ZNF446: variants seen among roughly 807,000 people sequenced by gnomAD.
The protein encoded by ZNF446 is zinc finger protein 446.
Under a neutral mutation model 34.0 loss-of-function variants are expected in ZNF446, and 42 were observed. The observed-to-expected ratio is 1.23, with a 90% CI of 0.96 to 1.60. The LOEUF (loss-of-function observed/expected upper bound fraction) is 1.60, where lower values mean the gene tolerates loss of function less well. Ranked by LOEUF, ZNF446 falls within the 40% of genes most tolerant of loss-of-function variation. The pLI, the probability that ZNF446 is intolerant of heterozygous loss-of-function variation, is 0.00. For missense variants in ZNF446, 650 were observed against 600.2 expected, an observed-to-expected ratio of 1.08 and a Z score of -0.87; for synonymous variants, 315 against 251.0, an observed-to-expected ratio of 1.25 and a Z score of -2.41.
chr19:58,488,914 C>T, the ZNF446 span, among the ~76,000 whole-genome samples: 1 of 150,544 alleles, frequency 6.6e-6, no homozygotes, highest in Non-Finnish European at 1.5e-5. Context: ...AAATGAATAC[C>T]AGGACCTGTG....
chr19:58,484,649 T>C (rs918101370), downstream of ZNF446, among the ~76,000 whole-genome samples: 1 of 151,990 alleles, frequency 6.6e-6, no homozygotes, highest in African/African-American at 2.4e-5. Flanking sequence ...CTGGGCAACA[T>C]AGCAAGACCA....
rs2053130614 is a variant in ZNF446, at chr19:58,480,535, T to C, written c.1162T>C (p.Ser388Pro). The change falls in exon 7 of 7, where the codon TCA becomes CCA. Residue 388 changes from serine (S) to proline (P), a missense_variant. Ser to Pro is a moderately conservative substitution (Grantham distance 74). Transcript: ENST00000594369. This position sits in a 1 kb window ranked among gnomAD's most constrained non-coding sequence, Gnocchi z 7.2. ...GGCCTTTCCGCACCACCCCCGACGC[T>C]CACTCACAGGCCCCCGGAGTTACCC... ...EVAFPHHPRRSLTGPRSYPCE... is the reference protein window; with the variant it reads ...EVAFPHHPRRPLTGPRSYPCE... 1.2e-6 allele frequency: 2 copies of C among 1,612,408 alleles called. No homozygotes were observed. The highest frequency in any genetic ancestry group is 1.7e-6 in the Non-Finnish European group (2 of 1,179,554).
At position 58,480,279 on chromosome 19, in the gene ZNF446, C is replaced by G; in HGVS notation, c.906C>G (p.Pro302=). The G allele has an allele frequency of 6.3e-7, 1 of 1,578,216 alleles. No individual in the cohort carries two copies. Among genetic ancestry groups the G allele is most frequent in the South Asian group, 1.1e-5 (1 of 87,378 alleles). The part of the protein sequence containing the change: ...EGLSGAATPA[P]TVRPGTPPVP... ...TGTCTGGGGCTGCCACTCCTGCCCCCACTGTGCGCCCAGGGACACCGCCAG... is the reference window on the plus strand; with the variant it reads ...TGTCTGGGGCTGCCACTCCTGCCCCGACTGTGCGCCCAGGGACACCGCCAG... The change falls in exon 7 of 7, where the codon CCC becomes CCG. Residue 302 remains proline (P), a synonymous_variant. Transcript: ENST00000594369. This position sits in a 1 kb window ranked among gnomAD's most constrained non-coding sequence, Gnocchi z 7.2.
chr19:58,482,030 G>A (rs989879658), downstream of ZNF446, among the ~76,000 whole-genome samples: 12 of 152,210 alleles, frequency 7.9e-5, no homozygotes, highest in African/African-American at 2.6e-4. Flanking sequence ...TCCTGACCTC[G>A]TGATCCACCC....
the ZNF446 span, among the ~76,000 whole-genome samples, chr19:58,488,571 G>T: frequency 2.0e-4 from 29 of 147,052 alleles, no homozygotes; most frequent in Non-Finnish European, 3.1e-4. Context: ...AAAAAAAAAG[G>T]CTGGGTGCGG....
downstream of ZNF446, among the ~76,000 whole-genome samples, chr19:58,485,558 A>C (rs1289321463): frequency 6.6e-6 from 1 of 152,140 alleles, no homozygotes; most frequent in Non-Finnish European, 1.5e-5. Context: ...CAACTAGGTC[A>C]ATCTAGGAAC....
Position 58,480,414 on chromosome 19 carries a change from C to G in ZNF446, c.1041C>G (p.Phe347Leu), listed in dbSNP as rs61731809. 1.2e-6 allele frequency: 2 copies of G among 1,612,234 alleles called. No individual in the cohort carries two copies. Among genetic ancestry groups the G allele is most frequent in the African/African-American group, 1.3e-5 (1 of 74,670 alleles). ...GCGGCTTCGACTGGAAGTCAGTGTT[C>G]GTCATCCACCACCGGACACACACGA... The part of the protein sequence containing the change: ...CGRGFDWKSV[F>L]VIHHRTHTSG... Residue 347 changes from phenylalanine to leucine, a missense_variant, in exon 7 of 7, where the codon TTC (phenylalanine) becomes TTG (leucine). Phe to Leu is a conservative substitution (Grantham distance 22). Coordinates refer to ENST00000594369, the MANE Select transcript of ZNF446 (RefSeq NM_017908.4). The surrounding 1 kb of genome is among the most constrained non-coding windows in gnomAD (Gnocchi z 7.2).
chr19:58,481,887 G>A (rs77498029), downstream of ZNF446, among the ~76,000 whole-genome samples: 22,843 of 152,022 alleles, frequency 0.15, 1,903 homozygotes, highest in Non-Finnish European at 0.18. Context: ...TCTGCCTCCC[G>A]GGTTCACGCC....
At position 58,477,527 on chromosome 19, in the gene ZNF446, A is replaced by C; in HGVS notation, c.309A>C (p.Gly103=). The C allele has an allele frequency of 6.2e-7, 1 of 1,612,516 alleles. No individual in the cohort carries two copies. The highest frequency in any genetic ancestry group is 8.5e-7 in the Non-Finnish European group (1 of 1,179,210). ...SPEEAAALVE[G]LQHDPGQLLG... ...AGGAGGCCGCTGCCCTAGTCGAAGG[A>C]CTGCAGCATGACCCTGGGCAACTGT... is the stretch of plus-strand genomic sequence containing the variant. Residue 103 remains glycine (G), a synonymous_variant, in exon 2 of 7, where the codon GGA becomes GGC. Coordinates refer to ENST00000594369, the MANE Select transcript of ZNF446 (RefSeq NM_017908.4).
chr19:58,486,835 C>G, the ZNF446 span, among the ~76,000 whole-genome samples: 1 of 151,802 alleles, frequency 6.6e-6, no homozygotes, highest in Admixed American at 6.6e-5. Context: ...CGGAGTCTCA[C>G]TCTGTCGCCC....
At chr19:58,479,572 G>A (rs921114422) in intron 4 of ZNF446, 71 bp from the exon 5 acceptor site, 22 of 1,532,596 alleles carry the variant, frequency 1.4e-5, no homozygotes, top group East Asian at 4.6e-5. Context: ...CCGGGTAATA[G>A]GTAAGAATGT....
rs2053137638 is a variant in ZNF446, at chr19:58,481,191, T to C, written c.*465T>C. On this transcript the variant is annotated 3_prime_UTR_variant, in exon 7 of 7. Coordinates refer to ENST00000594369, the MANE Select transcript of ZNF446 (RefSeq NM_017908.4). ...TGGCTTCCGTTTCTCCTGCTCCCTG[T>C]GTGTGTTAGAATTTTAACATAAATT... The C allele has an allele frequency of 6.1e-6, 1 of 164,320 alleles. No homozygotes were observed. The highest frequency in any genetic ancestry group is 1.3e-5 in the Non-Finnish European group (1 of 75,686). 10.2% of individuals were successfully genotyped at this position (164,320 alleles called of 1,614,324 possible). A position where few individuals can be genotyped will look rare whatever the true frequency, so the allele number is the denominator to read the frequency against.
the ZNF446 span, among the ~76,000 whole-genome samples, chr19:58,488,552 TAAAA>T: frequency 1.0e-5 from 1 of 100,302 alleles, no homozygotes; most frequent in African/African-American, 3.1e-5. Context: ...ATGACTATGA[TAAAA>T]AAAAAAAAAA....
downstream of ZNF446, among the ~76,000 whole-genome samples, chr19:58,481,457 A>T (rs1350035648): frequency 6.6e-6 from 1 of 152,104 alleles, no homozygotes. Context: ...GGCTTGAGAG[A>T]CACAAAGGGG....
intron 4 of ZNF446, among the ~76,000 whole-genome samples, chr19:58,478,501 TA>T (rs914210461): frequency 1.3e-5 from 2 of 152,018 alleles, no homozygotes; most frequent in Admixed American, 6.6e-5. Context: ...CTGTATCTAC[TA>T]AAGATACAAA....
chr19:58,480,513 C>T lies in ZNF446; in HGVS notation c.1140C>T (p.Ala380=), dbSNP rs917638024. 2 of 1,612,638 alleles carry T rather than the reference C, an allele frequency of 1.2e-6. No individual in the cohort carries two copies. Among genetic ancestry groups the T allele is most frequent in the Non-Finnish European group, 1.7e-6 (2 of 1,179,662 alleles). Residue 380 remains alanine, a synonymous_variant, in exon 7 of 7, where the codon GCC becomes GCT. Transcript: ENST00000594369. This position sits in a 1 kb window ranked among gnomAD's most constrained non-coding sequence, Gnocchi z 7.2. The part of the protein sequence containing the change: ...STEKPPQGEV[A]FPHHPRRSLT... ...AGAAGCCACCACAAGGGGAGGTGGC[C>T]TTTCCGCACCACCCCCGACGCTCAC... is the stretch of plus-strand genomic sequence containing the variant.
rs778412998 is a variant in ZNF446 at position 58,477,768 on chromosome 19, G to C, written c.474G>C (p.Gly158=). 1.2e-6 allele frequency: 2 copies of C among 1,609,584 alleles called. No individual in the cohort carries two copies. Among genetic ancestry groups the C allele is most frequent in the Non-Finnish European group, 1.7e-6 (2 of 1,178,206 alleles). The change falls in exon 3 of 7, where the codon GGG becomes GGC. Residue 158 remains glycine, a synonymous_variant. Coordinates refer to ENST00000594369, the MANE Select transcript of ZNF446 (RefSeq NM_017908.4). ...GTCCCCAGGACACCAGAATAGAGGG[G>C]TCTGTCCAGCTCAGCTGCAGTGTGA... ...GEGPQDTRIE[G]SVQLSCSVKE...
rs971989618 is a variant in ZNF446 at position 58,477,159 on chromosome 19, C to G, written c.-40-20C>G. 2.1e-6 allele frequency: 3 copies of G among 1,434,554 alleles called. No homozygotes were observed. Among genetic ancestry groups the G allele is most frequent in the Non-Finnish European group, 2.8e-6 (3 of 1,070,420 alleles). The allele number at this position is 1,434,554 out of a possible 1,614,324, so 88.9% of individuals were successfully genotyped here. A position where few individuals can be genotyped will look rare whatever the true frequency, so the allele number is the denominator to read the frequency against. ...GGCCAGATTCTCTTGGCTGACATTCCGACCCTTCCTTTTCTGTAGGCCCAT... is the reference window on the plus strand; with the variant it reads ...GGCCAGATTCTCTTGGCTGACATTCGGACCCTTCCTTTTCTGTAGGCCCAT... On this transcript the variant is annotated intron_variant, in intron 1 of 6. Coordinates refer to ENST00000594369, the MANE Select transcript of ZNF446 (RefSeq NM_017908.4).
At chr19:58,476,662 T>C (rs906476413) in intron 1 of ZNF446, among the ~76,000 whole-genome samples, 158 bp downstream of exon 1, 9 of 152,094 alleles carry the variant, frequency 5.9e-5, no homozygotes, top group Non-Finnish European at 1.2e-4. Context: ...CTCGCTGTGG[T>C]CAGCGAGCAC....
Sources: gnomAD v4.1 joint callset for allele counts (sites outside exome capture counted in the v4.1 genomes callset) on GRCh38, gnomAD v4.1.1 for gene constraint, Gnocchi (gnomAD v3.1) non-coding constraint, MANE v1.5 for transcripts, NCBI Gene and HGNC (gene_info 2026-07-23, HGNC 2026-07-21) for gene names.